The following ARHGEF1 variants were observed in gnomAD, a reference collection of about 807,000 sequenced individuals.
ARHGEF1 encodes Rho guanine nucleotide exchange factor 1, also known as 115 kDa guanine nucleotide exchange factor.
A neutral mutation model predicts 119.7 loss-of-function variants in ARHGEF1; 40 were observed. The observed-to-expected ratio is 0.33, with a 90% CI of 0.26 to 0.44. The LOEUF is 0.44. Among genes scored for constraint, ARHGEF1 ranks in the 20% least tolerant of loss-of-function variants. The pLI is 1.00. For missense variants in ARHGEF1, 976 were observed against 1,268.3 expected (o/e 0.77, Z 3.50); for synonymous variants, 494 against 521.0 (o/e 0.95, Z 0.71).
At chr19:41,891,916 G>A in intron 4 of ARHGEF1, 109 bp from the exon 5 acceptor site, 2 of 901,646 alleles carry the variant, frequency 2.2e-6, no homozygotes, top group Non-Finnish European at 3.3e-6. Flanking sequence ...TGGCAGTTGA[G>A]TCCCACAGCC....
chr19:41,905,381 G>T lies in ARHGEF1; in HGVS notation c.2336+120G>T. On this transcript the variant is annotated intron_variant, in intron 24 of 28. Transcript: ENST00000354532. This position sits in a 1 kb window ranked among gnomAD's most constrained non-coding sequence, Gnocchi z 6.4. ...AGCATGCACATGTGTGAATGCATGTGTGTGCATACATGTGTGTCTGTACGC... is the reference window on the plus strand; with the variant it reads ...AGCATGCACATGTGTGAATGCATGTTTGTGCATACATGTGTGTCTGTACGC... The T allele has an allele frequency of 1.2e-6, 1 of 858,726 alleles. No individual in the cohort carries two copies. 53.2% of individuals were successfully genotyped at this position (858,726 alleles called of 1,614,324 possible).
chr19:41,895,471 C>A lies in ARHGEF1; in HGVS notation c.1000C>A (p.Pro334Thr). The change falls in exon 12 of 29, where the codon CCA becomes ACA. Residue 334 changes from proline to threonine, a missense_variant. Physicochemically the swap from Pro to Thr is conservative, Grantham distance 38. Around this residue, in one of 3 missense-constraint regions of ARHGEF1, gnomAD observed 519 missense variants for 580.9 expected, o/e 0.89. Transcript: ENST00000354532. ...TCTGCACCCTCTGTCCCTGGACAGC[C>A]CAGACCGGGAACCAGGTGAGAGTTT... ...VSLHPLSLDS[P>T]DREPGADAPL... The A allele has an allele frequency of 6.2e-7, 1 of 1,602,218 alleles. No individual in the cohort carries two copies. Among genetic ancestry groups the A allele is most frequent in the Non-Finnish European group, 8.5e-7 (1 of 1,172,616 alleles).
In ARHGEF1 at chr19:41,892,960, T is replaced by C; in HGVS notation, c.614+111T>C. On this transcript the variant is annotated intron_variant, in intron 7 of 28. Coordinates refer to ENST00000354532, the MANE Select transcript of ARHGEF1 (RefSeq NM_004706.4). This position sits in a 1 kb window ranked among gnomAD's most constrained non-coding sequence, Gnocchi z 6.3. ...CAGGTTCCCTCTTCAGGGTCAGAGT[T>C]CATTTCTTGGCACTGGGGGTCTTCC... 1 of 1,398,664 alleles carries C rather than the reference T, an allele frequency of 7.1e-7. No individual in the cohort carries two copies. Among genetic ancestry groups the C allele is most frequent in the Non-Finnish European group, 9.4e-7 (1 of 1,069,088 alleles). The allele number at this position is 1,398,664 out of a possible 1,614,324, so 86.6% of individuals were successfully genotyped here.
chr19:41,903,946 TC>T lies in ARHGEF1; in HGVS notation c.1918-85del. On this transcript the variant is annotated intron_variant, in intron 20 of 28. Coordinates refer to ENST00000354532, the MANE Select transcript of ARHGEF1 (RefSeq NM_004706.4). The surrounding 1 kb of genome is among the most constrained non-coding windows in gnomAD (Gnocchi z 4.2). Reference sequence around the variant, plus strand: ...TCCCATGATCCCCAGCCTGTGGTCATCCCCGGCCACTGCCCTGCCCTTCCCC... The same window carrying T: ...TCCCATGATCCCCAGCCTGTGGTCATCCCGGCCACTGCCCTGCCCTTCCCC... 7.0e-7 allele frequency: 1 copy of T among 1,428,418 alleles called. No homozygotes were observed. Among genetic ancestry groups the T allele is most frequent in the South Asian group, 1.2e-5 (1 of 84,292 alleles). The allele number at this position is 1,428,418 out of a possible 1,614,324, so 88.5% of individuals were successfully genotyped here.
At chr19:41,894,370 C>T in intron 9 of ARHGEF1, 64 bp downstream of exon 9, 1 of 1,516,956 alleles carries the variant, frequency 6.6e-7, no homozygotes, top group Non-Finnish European at 8.9e-7. Context: ...AGCCTCATGA[C>T]TCTGGATACC....
chr19:41,929,011 A>G, intron 2 of ARHGEF1: 1 of 421,916 alleles, frequency 2.4e-6, no homozygotes, highest in Admixed American at 2.5e-5. Context: ...ACACACACTC[A>G]GGGACACACA....
At chr19:41,928,932 C>T (rs1555853598) in exon 2 of ARHGEF1, 2 of 456,222 alleles carry the variant, frequency 4.4e-6, no homozygotes, top group South Asian at 1.5e-5. Flanking sequence ...GAACACGGAC[C>T]CGCACACACG....
intron 14 of ARHGEF1, among the ~76,000 whole-genome samples, chr19:41,900,311 A>C (rs1444869393): frequency 2.6e-5 from 4 of 152,166 alleles, no homozygotes; most frequent in Non-Finnish European, 5.9e-5. Flanking sequence ...ACCACACTTC[A>C]ATCTAGGTGA....
intron 12 of ARHGEF1, among the ~76,000 whole-genome samples, chr19:41,895,692 C>G (rs2074473315): frequency 6.6e-6 from 1 of 152,172 alleles, no homozygotes; most frequent in Non-Finnish European, 1.5e-5. Flanking sequence ...GCTTTGCTCC[C>G]AGGCTCTGAC....
chr19:41,904,991 C>T lies in ARHGEF1; in HGVS notation c.2204C>T (p.Ala735Val). The change falls in exon 23 of 29, where the codon GCC becomes GTC. Residue 735 changes from alanine (A) to valine (V), a missense_variant. This residue lies in a region of ARHGEF1 where 286 missense variants were observed against 506.8 expected (regional missense o/e 0.56). Transcript: ENST00000354532. The surrounding 1 kb of genome is among the most constrained non-coding windows in gnomAD (Gnocchi z 8.4). ...FYVLFTWDQE[A>V]QIYELVAQTV... Reference sequence around the variant, plus strand: ...GTCCTTTTTACCTGGGACCAGGAGGCCCAGATATACGAGCTGGTGGCACAG... The same window carrying T: ...GTCCTTTTTACCTGGGACCAGGAGGTCCAGATATACGAGCTGGTGGCACAG... The T allele has an allele frequency of 1.2e-6, 2 of 1,614,128 alleles. No individual in the cohort carries two copies. The highest frequency in any genetic ancestry group is 1.7e-6 in the Non-Finnish European group (2 of 1,179,976).
chr19:41,923,070 C>T (rs782445998), upstream of ARHGEF1: 23 of 448,858 alleles, frequency 5.1e-5, no homozygotes, highest in African/African-American at 4.4e-4. Context: ...CCCCTCTGAC[C>T]CAGGCCTTTT....
In ARHGEF1 at chr19:41,902,692, A is replaced by C. The variant is rs1292579792; in HGVS notation, c.1623+34A>C. 12 of 1,613,520 alleles carry C rather than the reference A, an allele frequency of 7.4e-6. No homozygotes were observed. Among genetic ancestry groups the C allele is most frequent in the African/African-American group, 1.3e-5 (1 of 74,974 alleles). On this transcript the variant is annotated intron_variant, in intron 17 of 28. Coordinates refer to ENST00000354532, the MANE Select transcript of ARHGEF1 (RefSeq NM_004706.4). This position sits in a 1 kb window ranked among gnomAD's most constrained non-coding sequence, Gnocchi z 6.5. The stretch of plus-strand genomic sequence containing the variant: ...GGGTCTGGACTCCAGCTTCCCAGGG[A>C]GGAGGGGCCTGGAGACCCAGACTCC...
In ARHGEF1 at chr19:41,885,174, C is replaced by T. The variant is rs149848277; in HGVS notation, c.-20+1885C>T. On this transcript the variant is annotated intron_variant, in intron 1 of 28. Transcript: ENST00000354532. ...TATAGATCCATCTATTCTCTGACAG[C>T]TTCACCTATAATTCTCCAGCCTTTG... is the stretch of plus-strand genomic sequence containing the variant. Among the ~76,000 whole-genome samples, 120 of 152,188 alleles carry T rather than the reference C, an allele frequency of 7.9e-4. 1 individual carries two copies. Among genetic ancestry groups the T allele is most frequent in the African/African-American group, 2.7e-3 (112 of 41,508 alleles).
At chr19:41,884,552 T>C (rs987932461) in intron 1 of ARHGEF1, 16 of 1,591,766 alleles carry the variant, frequency 1.0e-5, no homozygotes, top group Non-Finnish European at 1.2e-5. Context: ...CTCCCCGGCA[T>C]CCCTGGCCGT....
chr19:41,898,473 C>A lies in ARHGEF1; in HGVS notation c.1153C>A (p.Arg385=), dbSNP rs1269899884. The A allele has an allele frequency of 6.5e-7, 1 of 1,548,482 alleles. No individual in the cohort carries two copies. Among genetic ancestry groups the A allele is most frequent in the Non-Finnish European group, 8.7e-7 (1 of 1,145,898 alleles). Reference sequence around the variant, plus strand: ...GCCTGGAGATGAGGGGGAGCCGGGGCGGTCGGGACTGGAGCTTGAACCAGA... The same window carrying A: ...GCCTGGAGATGAGGGGGAGCCGGGGAGGTCGGGACTGGAGCTTGAACCAGA... The part of the protein sequence containing the change: ...PEPGDEGEPG[R]SGLELEPEEP... The change falls in exon 14 of 29, where the codon CGG becomes AGG. Residue 385 remains arginine (R), a synonymous_variant. Transcript: ENST00000354532.
chr19:41,920,502 A>C (rs1555852383), upstream of ARHGEF1, among the ~76,000 whole-genome samples: 4 of 144,654 alleles, frequency 2.8e-5, no homozygotes, highest in Non-Finnish European at 1.5e-5. Flanking sequence ...GACATGACGC[A>C]CTCAGACATG....
At chr19:41,893,170 C>T (rs1555846652) in intron 7 of ARHGEF1, 104 bp from the exon 8 acceptor site, 1 of 1,489,876 alleles carries the variant, frequency 6.7e-7, no homozygotes, top group Non-Finnish European at 9.2e-7. Context: ...CTCTGTCTCT[C>T]TTCCCCCTGC....
rs2074681077 is a variant in ARHGEF1 at position 41,905,627 on chromosome 19, C to T, written c.2337-133C>T. On this transcript the variant is annotated intron_variant, in intron 24 of 28. Coordinates refer to ENST00000354532, the MANE Select transcript of ARHGEF1 (RefSeq NM_004706.4). The surrounding 1 kb of genome is among the most constrained non-coding windows in gnomAD (Gnocchi z 6.4). ...TCCATTGTCTGGGCCTCTCTGTCTC[C>T]CTGTCTCCCGGCCTCGACCTCTGTC... 6.8e-6 allele frequency: 6 copies of T among 885,420 alleles called. No individual in the cohort carries two copies. The South Asian group carries it at 8.1e-5, about 12-fold the overall frequency. 54.8% of individuals were successfully genotyped at this position (885,420 alleles called of 1,614,324 possible).
chr19:41,909,251 C>T (rs2145880320), downstream of ARHGEF1: 1 of 1,232,338 alleles, frequency 8.1e-7, no homozygotes, highest in East Asian at 3.2e-5. This position sits in a 1 kb window ranked among gnomAD's most constrained non-coding sequence, Gnocchi z 5.2. Context: ...TGCCTCGGTT[C>T]CAGGACCCCA....
Sources: gnomAD v4.1 joint callset for allele counts (sites outside exome capture counted in the v4.1 genomes callset) on GRCh38, gnomAD v4.1.1 for gene constraint, gnomAD v4.1.1 regional missense constraint, Gnocchi (gnomAD v3.1) non-coding constraint, MANE v1.5 for transcripts, NCBI Gene and HGNC (gene_info 2026-07-23, HGNC 2026-07-21) for gene names.